The following HPSE2 variants were observed in gnomAD, a reference collection of about 807,000 sequenced individuals.
HPSE2 encodes the protein heparanase 2 (inactive), also known as inactive heparanase-2.
A neutral mutation model predicts 60.5 loss-of-function variants in HPSE2; 38 were observed. That is an observed-to-expected ratio of 0.63 (90% CI 0.48 to 0.82). HPSE2 has a LOEUF of 0.82. Ranked by LOEUF, HPSE2 falls within the 40% of genes least tolerant of loss-of-function variation. The pLI is 0.00. For synonymous variants in HPSE2, 295 were observed against 293.2 expected, an observed-to-expected ratio of 1.01 and a Z score of -0.06; for missense variants, 713 against 740.4, an observed-to-expected ratio of 0.96 and a Z score of 0.43.
rs72836751 is a variant in HPSE2 at position 98,891,001 on chromosome 10, T to C, written c.611-146945A>G. Reference sequence around the variant, plus strand: ...GAGCACATATCTTATTTTAATTTTATTGTCACTATATTTTCTGATAGGTAC... The same window carrying C: ...GAGCACATATCTTATTTTAATTTTACTGTCACTATATTTTCTGATAGGTAC... On this transcript the variant is annotated intron_variant, in intron 3 of 11. Coordinates refer to ENST00000370552, the MANE Select transcript of HPSE2 (RefSeq NM_021828.5). Among the ~76,000 whole-genome samples, 1,367 of 152,338 alleles carry C rather than the reference T, an allele frequency of 9.0e-3. 11 individuals are homozygous for C. The highest frequency in any genetic ancestry group is 0.027 in the South Asian group (131 of 4,832).
intron 3 of HPSE2, among the ~76,000 whole-genome samples, chr10:99,009,198 G>A (rs944071021): frequency 2.2e-5 from 3 of 136,044 alleles, no homozygotes; most frequent in Middle Eastern, 4.8e-3. Flanking sequence ...GAAGCCAGGG[G>A]TTCACAACCA....
intron 5 of HPSE2, 132 bp from the exon 6 acceptor site, chr10:98,694,079 C>A (rs1257110819): frequency 2.5e-5 from 19 of 750,710 alleles, no homozygotes; most frequent in Non-Finnish European, 4.5e-5. Context: ...TCCTCCATAG[C>A]CACAATCATG....
intron 3 of HPSE2, among the ~76,000 whole-genome samples, chr10:99,033,131 G>C (rs997936612): frequency 2.0e-5 from 3 of 152,088 alleles, no homozygotes; most frequent in African/African-American, 7.2e-5. Flanking sequence ...AAGGTATGTA[G>C]AAAACAATAG....
At chr10:99,213,616 G>A (rs1192797095) in intron 2 of HPSE2, among the ~76,000 whole-genome samples, 1 of 151,594 alleles carries the variant, frequency 6.6e-6, no homozygotes, top group Non-Finnish European at 1.5e-5. Flanking sequence ...TCTCCCTTGA[G>A]TATTTGTGCT....
chr10:98,622,691 T>G (rs1946104607), intron 7 of HPSE2, among the ~76,000 whole-genome samples: 1 of 152,208 alleles, frequency 6.6e-6, no homozygotes, highest in African/African-American at 2.4e-5. Flanking sequence ...GTGAGTATTA[T>G]GATCATAAAT....
At chr10:98,524,204 T>C (rs1942887189) in intron 9 of HPSE2, among the ~76,000 whole-genome samples, 1 of 152,168 alleles carries the variant, frequency 6.6e-6, no homozygotes, top group African/African-American at 2.4e-5. Context: ...GTAAATGAAG[T>C]CCAATGGGAT....
intron 3 of HPSE2, among the ~76,000 whole-genome samples, chr10:98,926,498 G>A (rs745958366): frequency 7.2e-5 from 11 of 152,110 alleles, no homozygotes; most frequent in Admixed American, 3.9e-4. Context: ...AGAAAAAGGA[G>A]GCATGCTTCA....
At chr10:98,802,663 T>C (rs1950942848) in intron 3 of HPSE2, among the ~76,000 whole-genome samples, 1 of 151,976 alleles carries the variant, frequency 6.6e-6, no homozygotes, top group Admixed American at 6.6e-5. Flanking sequence ...TCATATTTTA[T>C]GGCTGCATAG....
At chr10:99,124,783 C>T (rs557196608) in intron 3 of HPSE2, among the ~76,000 whole-genome samples, 75 of 152,340 alleles carry the variant, frequency 4.9e-4, no homozygotes, top group African/African-American at 1.7e-3. Flanking sequence ...TCCCTGGGTC[C>T]GCAGCCATCA....
intron 3 of HPSE2, among the ~76,000 whole-genome samples, chr10:99,133,124 T>A (rs1845510742): frequency 6.6e-6 from 1 of 152,220 alleles, no homozygotes; most frequent in Admixed American, 6.5e-5. Context: ...ACAAAGCCTC[T>A]GAAAAGTTCA....
At chr10:98,955,488 GA>G (rs1483101088) in intron 3 of HPSE2, among the ~76,000 whole-genome samples, 3 of 152,152 alleles carry the variant, frequency 2.0e-5, no homozygotes, top group Non-Finnish European at 4.4e-5. Flanking sequence ...GGAGAAACAG[GA>G]ATGGTTTTAC....
intron 6 of HPSE2, among the ~76,000 whole-genome samples, chr10:98,676,077 G>A (rs928924678): frequency 2.0e-5 from 3 of 151,834 alleles, no homozygotes; most frequent in Non-Finnish European, 4.4e-5. Flanking sequence ...CCCTTTGAAG[G>A]GTAGATTGGG....
chr10:99,103,750 T>G (rs1373314194), intron 3 of HPSE2, among the ~76,000 whole-genome samples: 1 of 152,068 alleles, frequency 6.6e-6, no homozygotes, highest in Non-Finnish European at 1.5e-5. Flanking sequence ...AAGGCTACAG[T>G]AACCAAAACA....
intron 2 of HPSE2, among the ~76,000 whole-genome samples, chr10:99,178,288 T>C (rs61195510): frequency 0.027 from 4,133 of 150,948 alleles, 189 homozygotes; most frequent in African/African-American, 0.095. Flanking sequence ...CTGAAGGAGA[T>C]AGAGACACGA....
chr10:98,605,459 T>C (rs1945552460), intron 9 of HPSE2, among the ~76,000 whole-genome samples: 1 of 152,186 alleles, frequency 6.6e-6, no homozygotes, highest in African/African-American at 2.4e-5. Context: ...AAAAGAATTA[T>C]CAGTGAAATT....
At chr10:99,300,028 C>A in the HPSE2 span, among the ~76,000 whole-genome samples, 522 of 131,190 alleles carry the variant, frequency 4.0e-3, no homozygotes, top group African/African-American at 4.1e-3. Context: ...GAGGGAGAGG[C>A]AAAAAAAAAA....
chr10:98,732,588 A>C (rs1165609610), intron 4 of HPSE2, among the ~76,000 whole-genome samples: 1 of 152,158 alleles, frequency 6.6e-6, no homozygotes, highest in African/African-American at 2.4e-5. Context: ...ACATGCAAAA[A>C]GACTAATTTA....
At chr10:98,799,283 T>C (rs1425339516) in intron 3 of HPSE2, among the ~76,000 whole-genome samples, 1 of 152,164 alleles carries the variant, frequency 6.6e-6, no homozygotes, top group Non-Finnish European at 1.5e-5. Context: ...TGCCCAGATA[T>C]GTAAAGCAAA....
chr10:99,005,782 C>T (rs1259927092), intron 3 of HPSE2, among the ~76,000 whole-genome samples: 1 of 152,142 alleles, frequency 6.6e-6, no homozygotes, highest in African/African-American at 2.4e-5. Flanking sequence ...GGAATTCACT[C>T]TAGTTTTTGC....
Sources: allele counts gnomAD v4.1 joint callset (sites outside exome capture counted in the v4.1 genomes callset), GRCh38; gene constraint gnomAD v4.1.1; transcripts MANE v1.5; gene names NCBI Gene and HGNC (gene_info 2026-07-23, HGNC 2026-07-21).